Variants in FOXN4 observed in about 807,000 individuals in gnomAD.
FOXN4 encodes the protein forkhead box protein N4.
In FOXN4, 12 loss-of-function variants were observed where a neutral mutation model predicts 45.0. That is an observed-to-expected ratio of 0.27 (90% confidence interval 0.17 to 0.43). The LOEUF (loss-of-function observed/expected upper bound fraction) is 0.43. Ranked by LOEUF, FOXN4 falls within the 20% of genes least tolerant of loss-of-function variation. The pLI, the probability that FOXN4 is intolerant of heterozygous loss-of-function variation, is 1.00. For missense variants in FOXN4, 560 were observed against 694.9 expected (o/e 0.81, Z 2.18); for synonymous variants, 297 against 295.0 (o/e 1.01, Z -0.07).
chr12:109,299,501 G>A (rs370968047), intron 2 of FOXN4, among the ~76,000 whole-genome samples: 5 of 152,122 alleles, frequency 3.3e-5, no homozygotes, highest in Non-Finnish European at 7.4e-5. Context: ...CAAGCCAGGT[G>A]ACCTCGCCAA....
intron 2 of FOXN4, among the ~76,000 whole-genome samples, chr12:109,297,403 T>C (rs577550748): frequency 6.6e-6 from 1 of 152,350 alleles, no homozygotes; most frequent in African/African-American, 2.4e-5. Context: ...TGCAGTGGCA[T>C]GATCTTGGCT....
Position 109,279,194 on chromosome 12 carries a change from C to T in FOXN4, c.*477G>A. Reference sequence around the variant, plus strand: ...CATTTCCCGCCCTGGGCCTGTCCCCCGGAGGCTGCGGCTGAGGTTTGATCC... The same window carrying T: ...CATTTCCCGCCCTGGGCCTGTCCCCTGGAGGCTGCGGCTGAGGTTTGATCC... On this transcript the variant is annotated 3_prime_UTR_variant, in exon 10 of 10. Coordinates refer to ENST00000299162, the MANE Select transcript of FOXN4 (RefSeq NM_213596.3). 5.2e-6 allele frequency: 1 copy of T among 190,848 alleles called. No individual in the cohort carries two copies. Among genetic ancestry groups the T allele is most frequent in the Non-Finnish European group, 1.1e-5 (1 of 90,994 alleles). The allele number at this position is 190,848 out of a possible 1,614,324, so 11.8% of individuals were successfully genotyped here.
chr12:109,284,790 C>A (rs985724831), intron 8 of FOXN4, among the ~76,000 whole-genome samples: 2 of 143,128 alleles, frequency 1.4e-5, no homozygotes, highest in African/African-American at 5.3e-5. Flanking sequence ...TGTGTGTGTG[C>A]GCACATGCTG....
At chr12:109,293,805 C>T (rs969135304) in intron 2 of FOXN4, among the ~76,000 whole-genome samples, 2 of 152,148 alleles carry the variant, frequency 1.3e-5, no homozygotes, top group African/African-American at 2.4e-5. Flanking sequence ...ATAGGCTGAC[C>T]GCAGGCCACC....
intron 8 of FOXN4, among the ~76,000 whole-genome samples, chr12:109,282,904 A>G (rs1462296143): frequency 1.3e-5 from 2 of 151,570 alleles, no homozygotes; most frequent in Non-Finnish European, 2.9e-5. Flanking sequence ...ATGTGTCAGT[A>G]CTGGCCCTGG....
intron 8 of FOXN4, among the ~76,000 whole-genome samples, chr12:109,283,352 C>T (rs569365804): frequency 6.0e-4 from 92 of 152,116 alleles, no homozygotes; most frequent in Non-Finnish European, 1.2e-3. Context: ...TTCTCTCACT[C>T]GCTCTCTCTC....
chr12:109,304,295 G>GAAAGAGA (rs1555244325), intron 2 of FOXN4, among the ~76,000 whole-genome samples: 24 of 40,048 alleles, frequency 6.0e-4, no homozygotes, highest in Non-Finnish European at 5.7e-4. Context: ...AAGAAAGAAA[G>GAAAGAGA]GAGAAAGAAA....
rs58280775 is a variant in FOXN4, at chr12:109,304,221, GAGAAAGAAAGAAAGAAAGAAAGAA to G, written c.86+3991_86+4014del. Among the ~76,000 whole-genome samples, 789 of 82,510 alleles carry G rather than the reference GAGAAAGAAAGAAAGAAAGAAAGAA, an allele frequency of 9.6e-3. 11 individuals are homozygous for G. Among genetic ancestry groups the G allele is most frequent in the Middle Eastern group, 0.017 (3 of 172 alleles). 54.1% of individuals were successfully genotyped at this position (82,510 alleles called of 152,430 possible). ...AAAAAAAGAAAGAAAAGAAAAGAAA[GAGAAAGAAAGAAAGAAAGAAAGAA>G]AGAAAGAAAGAAAGAAAGAAAGAAA... On this transcript the variant is annotated intron_variant, in intron 2 of 9. Transcript: ENST00000299162.
At chr12:109,305,594 G>T (rs2047914449) in intron 2 of FOXN4, among the ~76,000 whole-genome samples, 1 of 152,094 alleles carries the variant, frequency 6.6e-6, no homozygotes, top group Non-Finnish European at 1.5e-5. Context: ...GCCAGGCACG[G>T]TTGCTCTCGC....
chr12:109,287,511 C>A lies in FOXN4; in HGVS notation c.482G>T (p.Gly161Val), dbSNP rs1417648139. The change falls in exon 6 of 10, where the codon GGC (glycine) becomes GTC (valine). Residue 161 changes from glycine to valine, a missense_variant. This residue lies in a region of FOXN4 where 61 missense variants were observed against 59.8 expected (regional missense o/e 1.02). Transcript: ENST00000299162. This position sits in a 1 kb window ranked among gnomAD's most constrained non-coding sequence, Gnocchi z 4.1. ...CACCCCAAATGGGGGGCCATAGAGG[C>A]CCACAGGAGGGCACTTCCCACAGGC... ...PPGAQQCPPV[G>V]LYGPPFGVRP... is the part of the protein sequence containing the mutation. The A allele has an allele frequency of 6.5e-7, 1 of 1,535,942 alleles. No homozygotes were observed. Among genetic ancestry groups the A allele is most frequent in the Non-Finnish European group, 8.8e-7 (1 of 1,141,466 alleles).
At chr12:109,289,871 C>G (rs1758784789) in intron 3 of FOXN4, among the ~76,000 whole-genome samples, 1 of 152,236 alleles carries the variant, frequency 6.6e-6, no homozygotes, top group South Asian at 2.1e-4. Context: ...AGTTTGCCAA[C>G]TGCCCTAGAG....
In FOXN4 at chr12:109,278,795, G is replaced by GA. The variant is rs1457334017; in HGVS notation, c.*875dup. 2 of 152,044 alleles carry GA rather than the reference G, an allele frequency of 1.3e-5. No homozygotes were observed. Among genetic ancestry groups the GA allele is most frequent in the African/African-American group, 4.8e-5 (2 of 41,398 alleles). 9.4% of individuals were successfully genotyped at this position (152,044 alleles called of 1,614,324 possible). ...AGAAAAATATCTGGTCTCTAATACGGAAAAAATGGGATGTTTCACAGTATC... is the reference window on the plus strand; with the variant it reads ...AGAAAAATATCTGGTCTCTAATACGGAAAAAAATGGGATGTTTCACAGTATC... On this transcript the variant is annotated 3_prime_UTR_variant, in exon 10 of 10. Transcript: ENST00000299162.
Position 109,287,611 on chromosome 12 carries a change from C to T in FOXN4, c.469-87G>A. Reference sequence around the variant, plus strand: ...ACGTCACTCACAGTAACACTGTCCCCACCCCAGTTTCAAAACACCTTGTGT... The same window carrying T: ...ACGTCACTCACAGTAACACTGTCCCTACCCCAGTTTCAAAACACCTTGTGT... On this transcript the variant is annotated intron_variant, in intron 5 of 9. Transcript: ENST00000299162. This position sits in a 1 kb window ranked among gnomAD's most constrained non-coding sequence, Gnocchi z 4.1. 2 of 1,430,722 alleles carry T rather than the reference C, an allele frequency of 1.4e-6. No individual in the cohort carries two copies. The highest frequency in any genetic ancestry group is 3.0e-5 in the South Asian group (2 of 67,400). 88.6% of individuals were successfully genotyped at this position (1,430,722 alleles called of 1,614,324 possible).
chr12:109,304,256 A>AG (rs2047895629), intron 2 of FOXN4, among the ~76,000 whole-genome samples: 2 of 98,480 alleles, frequency 2.0e-5, no homozygotes, highest in African/African-American at 9.3e-5. Flanking sequence ...AGAAAGAAAG[A>AG]AAGAAAGAAA....
In FOXN4 at chr12:109,309,182, G is replaced by C. The variant is rs1038632279; in HGVS notation, c.-67C>G. 3.9e-5 allele frequency: 6 copies of C among 152,364 alleles called. No individual in the cohort carries two copies. The highest frequency in any genetic ancestry group is 1.4e-4 in the African/African-American group (6 of 41,466). The allele number at this position is 152,364 out of a possible 1,614,324, so 9.4% of individuals were successfully genotyped here. On this transcript the variant is annotated 5_prime_UTR_variant, in exon 1 of 10. Transcript: ENST00000299162. The surrounding 1 kb of genome is among the most constrained non-coding windows in gnomAD (Gnocchi z 5.0). ...CCGGGGGTGGGCAGGGGTTCCGGAG[G>C]GGGGCTCCCTCGCGCTCGCCCCTCG... is the stretch of plus-strand genomic sequence containing the variant.
chr12:109,309,262 T>C lies in FOXN4; in HGVS notation c.-147A>G, dbSNP rs189036107. ...CGAACCGTTTTTAAATTTCCCTCTC[T>C]GGAGCTGTCCAGCTCAGAGCATGCG... On this transcript the variant is annotated 5_prime_UTR_variant, in exon 1 of 10. Transcript: ENST00000299162. The surrounding 1 kb of genome is among the most constrained non-coding windows in gnomAD (Gnocchi z 5.0). 2.7e-3 allele frequency: 404 copies of C among 152,348 alleles called. 1 individual carries two copies. Among genetic ancestry groups the C allele is most frequent in the Non-Finnish European group, 4.0e-3 (270 of 68,106 alleles). The allele number at this position is 152,348 out of a possible 1,614,324, so 9.4% of individuals were successfully genotyped here.
chr12:109,292,261 G>A (rs1314057900), intron 2 of FOXN4, among the ~76,000 whole-genome samples: 2 of 152,290 alleles, frequency 1.3e-5, no homozygotes, highest in East Asian at 3.9e-4. Flanking sequence ...AGTGGAGATG[G>A]GTCCCTGCTG....
At chr12:109,281,830 C>A in intron 8 of FOXN4, 31 bp from the exon 9 acceptor site, 1 of 1,535,260 alleles carries the variant, frequency 6.5e-7, no homozygotes, top group Non-Finnish European at 8.7e-7. Context: ...TCACTCAGAA[C>A]CCACCCAGCA....
intron 2 of FOXN4, among the ~76,000 whole-genome samples, chr12:109,302,134 G>T (rs2047873993): frequency 6.6e-6 from 1 of 152,224 alleles, no homozygotes; most frequent in South Asian, 2.1e-4. Context: ...AGAGGACAAA[G>T]ATGGATGTGT....
Sources: gnomAD v4.1 joint callset for allele counts (sites outside exome capture counted in the v4.1 genomes callset) on GRCh38, gnomAD v4.1.1 for gene constraint, gnomAD v4.1.1 regional missense constraint, Gnocchi (gnomAD v3.1) non-coding constraint, MANE v1.5 for transcripts, NCBI Gene and HGNC (gene_info 2026-07-23, HGNC 2026-07-21) for gene names.